The following INTS3 variants were observed in gnomAD, a reference collection of about 807,000 sequenced individuals.
INTS3 encodes SOSS complex subunit A.
A neutral mutation model predicts 146.3 loss-of-function variants in INTS3; 34 were observed. The ratio of observed to expected loss-of-function variants is 0.23; its 90% confidence interval spans 0.18 to 0.31. INTS3 has a LOEUF of 0.31. Among genes scored for constraint, INTS3 ranks in the 10% least tolerant of loss-of-function variants. The pLI, the probability that INTS3 is intolerant of heterozygous loss-of-function variation, is 1.00. For missense variants in INTS3, 757 were observed against 1,304.2 expected, an observed-to-expected ratio of 0.58 and a Z score of 6.46; for synonymous variants, 475 against 494.9, an observed-to-expected ratio of 0.96 and a Z score of 0.53.
chr1:153,773,319 T>C lies in INTS3; in HGVS notation c.*49T>C, dbSNP rs1558013593. ...CCCGGCTGGACTGCCCTCTCCTTCT[T>C]GGTGATTCAAAGGTTAATAGAGGCT... On this transcript the variant is annotated 3_prime_UTR_variant, in exon 30 of 30. Transcript: ENST00000318967. 1.3e-5 allele frequency: 20 copies of C among 1,531,394 alleles called. No individual in the cohort carries two copies. Among genetic ancestry groups the C allele is most frequent in the Non-Finnish European group, 1.7e-5 (19 of 1,104,598 alleles). The allele number at this position is 1,531,394 out of a possible 1,614,324, so 94.9% of individuals were successfully genotyped here.
chr1:153,750,881 G>T, intron 6 of INTS3: 1 of 467,702 alleles, frequency 2.1e-6, no homozygotes, highest in Non-Finnish European at 3.8e-6. Context: ...ATAGGCACTT[G>T]GAAGAGAAAA....
rs1161319800 is a variant in INTS3, at chr1:153,742,476, C to CTG, written c.318+1109_318+1110insGT. Among the ~76,000 whole-genome samples, 101 of 60,308 alleles carry CTG rather than the reference C, an allele frequency of 1.7e-3. 1 individual carries two copies. Among genetic ancestry groups the CTG allele is most frequent in the African/African-American group, 7.1e-3 (90 of 12,754 alleles). 39.6% of individuals were successfully genotyped at this position (60,308 alleles called of 152,430 possible). ...CTTCCTCTTGTGTGGGTTTTTTAAT[C>CTG]TCTGTGTGTGTGTGTGTGTGTGTGT... is the stretch of plus-strand genomic sequence containing the variant. On this transcript the variant is annotated intron_variant, in intron 3 of 29. Transcript: ENST00000318967.
chr1:153,769,039 G>T, intron 22 of INTS3, 78 bp downstream of exon 22: 2 of 1,191,582 alleles, frequency 1.7e-6, no homozygotes. Context: ...CTCCCTCCAG[G>T]CCTGCAGACA....
At position 153,772,397 on chromosome 1, in the gene INTS3, C is replaced by A; in HGVS notation, c.2778C>A (p.His926Gln). The stretch of plus-strand genomic sequence containing the variant: ...TGACTCTGGAGCAGATCCTGGAGCA[C>A]TTGGACAATCTGCGGCTCAACCTGA... The part of the protein sequence containing the change: ...AQLTLEQILE[H>Q]LDNLRLNLTN... Residue 926 changes from histidine to glutamine, a missense_variant, in exon 27 of 30, where the codon CAC (histidine) becomes CAA (glutamine). Physicochemically the swap from His to Gln is conservative, Grantham distance 24. This residue lies in a region of INTS3 where 125 missense variants were observed against 165.6 expected (regional missense o/e 0.75). Coordinates refer to ENST00000318967, the MANE Select transcript of INTS3 (RefSeq NM_023015.5). The surrounding 1 kb of genome is among the most constrained non-coding windows in gnomAD (Gnocchi z 4.6). The A allele has an allele frequency of 6.2e-7, 1 of 1,614,112 alleles. No individual in the cohort carries two copies. Among genetic ancestry groups the A allele is most frequent in the Non-Finnish European group, 8.5e-7 (1 of 1,180,024 alleles).
At position 153,772,515 on chromosome 1, in the gene INTS3, G is replaced by A; in HGVS notation, c.2821+75G>A. The A allele has an allele frequency of 4.3e-6, 7 of 1,612,910 alleles. No individual in the cohort carries two copies. Among genetic ancestry groups the A allele is most frequent in the Non-Finnish European group, 5.9e-6 (7 of 1,179,376 alleles). On this transcript the variant is annotated intron_variant, in intron 27 of 29. Coordinates refer to ENST00000318967, the MANE Select transcript of INTS3 (RefSeq NM_023015.5). This position sits in a 1 kb window ranked among gnomAD's most constrained non-coding sequence, Gnocchi z 4.6. ...AGACTATGCCTGGAGCCAGGCTGGGGGCAGGGGCAGGACACCCGGGGCCAC... is the reference window on the plus strand; with the variant it reads ...AGACTATGCCTGGAGCCAGGCTGGGAGCAGGGGCAGGACACCCGGGGCCAC...
intron 1 of INTS3, among the ~76,000 whole-genome samples, chr1:153,734,094 T>C (rs1393544028): frequency 6.6e-6 from 1 of 152,066 alleles, no homozygotes; most frequent in African/African-American, 2.4e-5. Context: ...GTCTTAGTAT[T>C]AGAAAAATTA....
chr1:153,769,651 C>G, intron 22 of INTS3, 118 bp from the exon 23 acceptor site: 6 of 662,206 alleles, frequency 9.1e-6, no homozygotes, highest in South Asian at 3.4e-5. Context: ...TTAAACTGGG[C>G]CTTCACTTCC....
At chr1:153,761,223 A>C (rs1329749846) in intron 13 of INTS3, 2 of 574,000 alleles carry the variant, frequency 3.5e-6, no homozygotes, top group African/African-American at 3.8e-5. Flanking sequence ...AGAAATGAGA[A>C]GCTCTGGCCA....
chr1:153,744,445 A>G (rs1213155370), intron 3 of INTS3, among the ~76,000 whole-genome samples: 1 of 152,160 alleles, frequency 6.6e-6, no homozygotes, highest in East Asian at 1.9e-4. Flanking sequence ...TCCAGGACTT[A>G]ACTATCAATA....
chr1:153,728,605 C>T lies in INTS3; in HGVS notation c.-30C>T. On this transcript the variant is annotated 5_prime_UTR_variant, in exon 1 of 30. Coordinates refer to ENST00000318967, the MANE Select transcript of INTS3 (RefSeq NM_023015.5). ...CTAGGACTGTCCATCCATCCACTCC[C>T]TGACCTTTTCCCGGCTCCTGGCTGC... 4 of 1,592,144 alleles carry T rather than the reference C, an allele frequency of 2.5e-6. No individual in the cohort carries two copies. The highest frequency in any genetic ancestry group is 2.6e-6 in the Non-Finnish European group (3 of 1,172,236).
rs1366381508 is a variant in INTS3, at chr1:153,728,505, C to G, written c.-130C>G. ...GGAGAGGAGGGAGGAGTGGAGAGGA[C>G]AGGGGCCCTTGCTCTCCCCTCCCCA... On this transcript the variant is annotated 5_prime_UTR_variant, in exon 1 of 30. Coordinates refer to ENST00000318967, the MANE Select transcript of INTS3 (RefSeq NM_023015.5). 1 of 1,134,366 alleles carries G rather than the reference C, an allele frequency of 8.8e-7. No individual in the cohort carries two copies. Among genetic ancestry groups the G allele is most frequent in the East Asian group, 2.7e-5 (1 of 37,448 alleles). The allele number at this position is 1,134,366 out of a possible 1,614,324, so 70.3% of individuals were successfully genotyped here. A position where few individuals can be genotyped will look rare whatever the true frequency, so the allele number is the denominator to read the frequency against.
intron 12 of INTS3, 31 bp downstream of exon 12, chr1:153,760,421 G>T (rs1385165809): frequency 3.9e-6 from 6 of 1,553,760 alleles, no homozygotes; most frequent in Non-Finnish European, 5.3e-6. Flanking sequence ...TTCTCCCCAT[G>T]CCTGGATGAG....
At chr1:153,728,910 A>T in intron 1 of INTS3, 126 bp downstream of exon 1, 1 of 610,208 alleles carries the variant, frequency 1.6e-6, no homozygotes, top group Non-Finnish European at 2.8e-6. Flanking sequence ...GTGAAGTAAC[A>T]CAAACACTGC....
In INTS3 at chr1:153,773,089, C is replaced by T. The variant is rs1239696930; in HGVS notation, c.3051+8C>T. 1 of 1,614,132 alleles carries T rather than the reference C, an allele frequency of 6.2e-7. No individual in the cohort carries two copies. ...GGCTCCAGCAGTGCTTCAGTGAGAA[C>T]CCAGCCAGTGCACAGGGGGAAAAGG... is the stretch of plus-strand genomic sequence containing the variant. On this transcript the variant is annotated splice_region_variant and intron_variant, in intron 29 of 29. Coordinates refer to ENST00000318967, the MANE Select transcript of INTS3 (RefSeq NM_023015.5).
chr1:153,730,246 A>G (rs900593357), intron 1 of INTS3, among the ~76,000 whole-genome samples: 1 of 152,160 alleles, frequency 6.6e-6, no homozygotes, highest in Non-Finnish European at 1.5e-5. Flanking sequence ...CAGGTAAATC[A>G]GTTTGTTTTC....
chr1:153,748,804 G>A (rs1671848900), intron 6 of INTS3, 49 bp downstream of exon 6: 6 of 1,427,502 alleles, frequency 4.2e-6, no homozygotes, highest in Non-Finnish European at 5.9e-6. Context: ...ATGGCCATTA[G>A]GAGTGTGGGT....
At chr1:153,729,945 C>T (rs1367336585) in intron 1 of INTS3, among the ~76,000 whole-genome samples, 3 of 151,826 alleles carry the variant, frequency 2.0e-5, no homozygotes, top group African/African-American at 2.4e-5. Context: ...ATATTCAACT[C>T]GGTGGTTATC....
chr1:153,728,669 C>T lies in INTS3; in HGVS notation c.35C>T (p.Ala12Val), dbSNP rs765317312. The T allele has an allele frequency of 3.1e-6, 5 of 1,605,418 alleles. No homozygotes were observed. The highest frequency in any genetic ancestry group is 1.1e-5 in the South Asian group (1 of 90,640). ...CAGAAGGGAAAAGGGGCGGCAGCAG[C>T]AGCAGCTGCTTCGGGAGCAGCGGGA... ...ELQKGKGAAA[A>V]AAASGAAGGG... The change falls in exon 1 of 30, where the codon GCA becomes GTA. Residue 12 changes from alanine (A) to valine (V), a missense_variant. Ala to Val is a moderately conservative substitution (Grantham distance 64). Around this residue, in one of 8 missense-constraint regions of INTS3, gnomAD observed 160 missense variants for 193.7 expected, o/e 0.83. Coordinates refer to ENST00000318967, the MANE Select transcript of INTS3 (RefSeq NM_023015.5).
chr1:153,728,178 G>T lies in INTS3; in HGVS notation c.-457G>T, dbSNP rs1670919900. 1.0e-5 allele frequency: 4 copies of T among 397,598 alleles called. No homozygotes were observed. The highest frequency in any genetic ancestry group is 2.1e-5 in the African/African-American group (1 of 48,542). The allele number at this position is 397,598 out of a possible 1,614,324, so 24.6% of individuals were successfully genotyped here. A position where few individuals can be genotyped will look rare whatever the true frequency, so the allele number is the denominator to read the frequency against. On this transcript the variant is annotated 5_prime_UTR_variant, in exon 1 of 30. Transcript: ENST00000318967. ...CCTAGGGGCCGGATCCAAAGGCGCT[G>T]CACTCCCCAAGCCTTGGGGCATCAG...
Sources: gnomAD v4.1 joint callset for allele counts (sites outside exome capture counted in the v4.1 genomes callset) on GRCh38, gnomAD v4.1.1 for gene constraint, gnomAD v4.1.1 regional missense constraint, Gnocchi (gnomAD v3.1) non-coding constraint, MANE v1.5 for transcripts, NCBI Gene and HGNC (gene_info 2026-07-23, HGNC 2026-07-21) for gene names.